The following DIAPH2 variants were observed in gnomAD, a reference collection of about 807,000 sequenced individuals.
DIAPH2 encodes diaphanous related formin 2.
DIAPH2 carries 35 observed loss-of-function variants against 92.7 expected under a neutral mutation model. The observed-to-expected ratio is 0.38, with a 90% confidence interval of 0.29 to 0.50. The LOEUF (loss-of-function observed/expected upper bound fraction) is 0.50, where lower values mean the gene tolerates loss of function less well. Ranked by LOEUF, DIAPH2 falls within the 20% of genes least tolerant of loss-of-function variation. The probability of loss-of-function intolerance (pLI) is 0.94; values close to 1 mark genes in which losing one functional copy is unlikely to be tolerated. For missense variants in DIAPH2, 701 were observed against 819.5 expected (o/e 0.86, Z 1.77); for synonymous variants, 301 against 280.4 (o/e 1.07, Z -0.73).
chrX:96,751,685 G>T (rs376388208), intron 3 of DIAPH2, among the ~76,000 whole-genome samples: 1 of 43,802 alleles, frequency 2.3e-5, no homozygotes, highest in African/African-American at 8.7e-5. Context: ...ACGAAGTCTC[G>T]CTCTGTCGCC....
At chrX:97,247,259 T>C (rs1033047844) in intron 22 of DIAPH2, among the ~76,000 whole-genome samples, 2 of 111,943 alleles carry the variant, frequency 1.8e-5, no homozygotes, top group East Asian at 2.8e-4. Context: ...ACCATAGATA[T>C]TGGTTTATAA....
At chrX:96,872,493 CTTTTTTT>C (rs752843624) in intron 4 of DIAPH2, among the ~76,000 whole-genome samples, 1 of 95,454 alleles carries the variant, frequency 1.0e-5, no homozygotes, top group Non-Finnish European at 2.1e-5. Context: ...TTTTCTTTTT[CTTTTTTT>C]TTTTTTTTTG....
intron 4 of DIAPH2, among the ~76,000 whole-genome samples, chrX:96,785,705 G>C (rs886069899): frequency 1.0e-4 from 11 of 108,521 alleles, no homozygotes; most frequent in Non-Finnish European, 1.9e-4. Context: ...TCGAACTCCT[G>C]ACCTCAGGTG....
intron 1 of DIAPH2, among the ~76,000 whole-genome samples, chrX:96,718,332 CTTTGTTTTTTTTTTTTT>C (rs2063965582): frequency 2.9e-4 from 2 of 6,828 alleles, no homozygotes; most frequent in African/African-American, 6.5e-4. Flanking sequence ...ACCACATTTT[CTTTGTTTTTTTTTTTTT>C]TTTTTTTTTT....
rs1349523852 is a variant in DIAPH2 at position 97,513,530 on chromosome X, G to A, written c.3241+83785G>A. 2.0e-3 allele frequency among the ~76,000 whole-genome samples: 56 copies of A among 28,410 alleles called. 1 individual carries two copies. The Middle Eastern group carries it at 0.026, about 13-fold the overall frequency. 24.7% of individuals were successfully genotyped at this position (28,410 alleles called of 115,157 possible). A position where few individuals can be genotyped will look rare whatever the true frequency, so the allele number is the denominator to read the frequency against. ...TTACATTTAAAGTTAATAGTGTTAT[G>A]TGTGAATTTGATCCTCTCATTATGA... On this transcript the variant is annotated intron_variant, in intron 26 of 26. Coordinates refer to ENST00000324765, the MANE Select transcript of DIAPH2 (RefSeq NM_006729.5).
intron 1 of DIAPH2, among the ~76,000 whole-genome samples, chrX:96,718,175 C>T (rs2063963755): frequency 9.4e-6 from 1 of 106,073 alleles, no homozygotes; most frequent in Non-Finnish European, 1.9e-5. Context: ...TTTTTAGATC[C>T]CACAAATAAG....
intron 17 of DIAPH2, among the ~76,000 whole-genome samples, chrX:96,998,007 T>C (rs2066116472): frequency 8.9e-6 from 1 of 112,278 alleles, no homozygotes; most frequent in Non-Finnish European, 1.9e-5. Flanking sequence ...AATGCCATTG[T>C]CCACTAATGC....
chrX:96,918,687 C>T, intron 9 of DIAPH2, 70 bp downstream of exon 9: 1 of 751,348 alleles, frequency 1.3e-6, no homozygotes, highest in Non-Finnish European at 1.9e-6. Flanking sequence ...GACATCAACT[C>T]CATTTTAGCT....
chrX:97,245,074 AGTGAGACTCC>A (rs1222869030), intron 22 of DIAPH2, among the ~76,000 whole-genome samples: 2 of 106,207 alleles, frequency 1.9e-5, no homozygotes, highest in African/African-American at 3.4e-5. Context: ...CTGGCGACAG[AGTGAGACTCC>A]GTCTAAAAAA....
intron 17 of DIAPH2, among the ~76,000 whole-genome samples, chrX:97,002,708 G>C (rs2066152728): frequency 9.0e-6 from 1 of 111,122 alleles, no homozygotes; most frequent in African/African-American, 3.3e-5. Context: ...TAAATATTTT[G>C]ATACAGGCAT....
intron 22 of DIAPH2, among the ~76,000 whole-genome samples, chrX:97,168,252 A>AT (rs1208873075): frequency 9.2e-6 from 1 of 108,486 alleles, no homozygotes; most frequent in Non-Finnish European, 1.9e-5. Flanking sequence ...CTCCCAGCTA[A>AT]TTTTTTTGTA....
chrX:97,510,646 T>A (rs1301140226), intron 26 of DIAPH2, among the ~76,000 whole-genome samples: 1 of 102,283 alleles, frequency 9.8e-6, no homozygotes, highest in African/African-American at 3.5e-5. Context: ...GTTTTAGGTC[T>A]AACGTTTAAG....
chrX:96,809,548 A>G (rs1183304766), intron 4 of DIAPH2, among the ~76,000 whole-genome samples: 1 of 105,292 alleles, frequency 9.5e-6, no homozygotes, highest in East Asian at 2.9e-4. Context: ...TTTAAGTTCT[A>G]GGGTACATGT....
chrX:97,358,509 T>TA (rs1035818858), intron 24 of DIAPH2, among the ~76,000 whole-genome samples: 13 of 111,699 alleles, frequency 1.2e-4, no homozygotes, highest in Non-Finnish European at 2.1e-4. Context: ...AAAAAAATTA[T>TA]AAAAAATCAG....
chrX:97,572,240 T>A (rs1212570966), intron 26 of DIAPH2, among the ~76,000 whole-genome samples: 4 of 111,383 alleles, frequency 3.6e-5, no homozygotes, highest in Non-Finnish European at 7.5e-5. Flanking sequence ...TCATTCTTTT[T>A]AAAGACAAAT....
chrX:96,761,361 C>A, intron 4 of DIAPH2, among the ~76,000 whole-genome samples: 1 of 103,621 alleles, frequency 9.7e-6, no homozygotes, highest in African/African-American at 3.5e-5. Flanking sequence ...TTTTTTTAAT[C>A]TCAGTAGGAA....
At chrX:96,939,712 T>A (rs1317690806) in intron 12 of DIAPH2, among the ~76,000 whole-genome samples, 2 of 58,196 alleles carry the variant, frequency 3.4e-5, no homozygotes, top group Non-Finnish European at 6.2e-5. Flanking sequence ...TCGCCCAGGC[T>A]GGAGTGCAGT....
rs757003480 is a variant in DIAPH2, at chrX:97,275,102, C to T, written c.2844+27263C>T. 4.0e-4 allele frequency among the ~76,000 whole-genome samples: 45 copies of T among 112,425 alleles called. No homozygotes were observed. The Middle Eastern group carries it at 0.028, about 69-fold the overall frequency. ...TCTTTTCCCCACATTTCCCCCTTTT[C>T]TACTCGACAAAACTGCCATCGTCAT... On this transcript the variant is annotated intron_variant, in intron 23 of 26. Transcript: ENST00000324765.
intron 1 of DIAPH2, among the ~76,000 whole-genome samples, chrX:96,691,669 A>G (rs752217758): frequency 1.8e-5 from 2 of 112,005 alleles, no homozygotes; most frequent in Non-Finnish European, 3.8e-5. Context: ...ACTTATCACC[A>G]TTTGCACAGT....
Sources: gnomAD v4.1 joint callset for allele counts (sites outside exome capture counted in the v4.1 genomes callset) on GRCh38, gnomAD v4.1.1 for gene constraint, MANE v1.5 for transcripts, NCBI Gene and HGNC (gene_info 2026-07-23, HGNC 2026-07-21) for gene names.